POLR3E: variants seen among roughly 807,000 people sequenced by gnomAD.
The protein encoded by POLR3E is RNA polymerase III subunit E, also known as DNA-directed RNA polymerase III subunit RPC5.
POLR3E carries 41 observed loss-of-function variants against 96.6 expected under a neutral mutation model. That is an observed-to-expected ratio of 0.42 (90% CI 0.33 to 0.55). POLR3E has a LOEUF of 0.55. Among genes scored for constraint, POLR3E ranks in the 20% least tolerant of loss-of-function variants. The pLI is 0.06. For missense variants in POLR3E, 849 were observed against 952.1 expected (o/e 0.89, Z 1.43); for synonymous variants, 396 against 383.6 (o/e 1.03, Z -0.38).
chr16:22,303,091 C>G, intron 2 of POLR3E, 87 bp downstream of exon 2: 1 of 1,218,578 alleles, frequency 8.2e-7, no homozygotes, highest in Non-Finnish European at 1.2e-6. Flanking sequence ...AGTCTGGGAC[C>G]TGTTGATGTT....
In POLR3E at chr16:22,326,101, G is replaced by T. The variant is rs761903860; in HGVS notation, c.1689G>T (p.Lys563Asn). The change falls in exon 18 of 21, where the codon AAG becomes AAT. Residue 563 changes from lysine (K) to asparagine (N), a missense_variant. By Grantham distance (94) the Lys-to-Asn change is moderately conservative. Coordinates refer to ENST00000299853, the MANE Select transcript of POLR3E (RefSeq NM_018119.4). ...CASTPVAREL[K>N]AFVEATFQRQ... is the part of the protein sequence containing the mutation. ...GCACCCCTGTGGCTCGGGAACTGAA[G>T]GCCTTCGTGGAGGCCACCTTTCAGA... The T allele has an allele frequency of 2.5e-6, 4 of 1,613,714 alleles. No homozygotes were observed. In the South Asian group the frequency reaches 4.4e-5, roughly 18 times the overall value.
chr16:22,298,623 T>C (rs1435179202), intron 1 of POLR3E, among the ~76,000 whole-genome samples: 1 of 152,134 alleles, frequency 6.6e-6, no homozygotes, highest in Non-Finnish European at 1.5e-5. Flanking sequence ...ATACTGCCGT[T>C]TATCAGAAAA....
At chr16:22,306,090 A>G (rs1194817679) in intron 3 of POLR3E, among the ~76,000 whole-genome samples, 1 of 151,942 alleles carries the variant, frequency 6.6e-6, no homozygotes, top group Non-Finnish European at 1.5e-5. Flanking sequence ...ACCCCAGGCA[A>G]CCATTCCCCT....
Position 22,318,407 on chromosome 16 carries a change from T to C in POLR3E, c.866-419T>C, listed in dbSNP as rs959163744. Among the ~76,000 whole-genome samples, 11 of 152,188 alleles carry C rather than the reference T, an allele frequency of 7.2e-5. No homozygotes were observed. On this transcript the variant is annotated intron_variant, in intron 12 of 20. Coordinates refer to ENST00000299853, the MANE Select transcript of POLR3E (RefSeq NM_018119.4). This position sits in a 1 kb window ranked among gnomAD's most constrained non-coding sequence, Gnocchi z 5.0. ...AAGCGCCCAGCCAAATTTTGGACTTTCCCTGGGCCCTGCCCAGGGCTCACT... is the reference window on the plus strand; with the variant it reads ...AAGCGCCCAGCCAAATTTTGGACTTCCCCTGGGCCCTGCCCAGGGCTCACT...
At chr16:22,298,604 C>T (rs1192455074) in intron 1 of POLR3E, among the ~76,000 whole-genome samples, 2 of 152,172 alleles carry the variant, frequency 1.3e-5, no homozygotes, top group African/African-American at 4.8e-5. Context: ...AGCTCTTACC[C>T]ACTTAACCAT....
intron 6 of POLR3E, among the ~76,000 whole-genome samples, chr16:22,311,268 C>CTTTTT (rs57435708): frequency 0.012 from 1,346 of 109,310 alleles, 47 homozygotes; most frequent in African/African-American, 0.045. Context: ...TGTGCCCAGC[C>CTTTTT]TTTTTTTTTT....
chr16:22,323,355 T>C (rs1328190060), intron 14 of POLR3E, among the ~76,000 whole-genome samples: 1 of 152,082 alleles, frequency 6.6e-6, no homozygotes, highest in Non-Finnish European at 1.5e-5. Flanking sequence ...CCCAGGTGCC[T>C]TTGCCTCCCT....
intron 3 of POLR3E, 123 bp downstream of exon 3, chr16:22,305,329 T>G (rs1252458653): frequency 1.3e-6 from 1 of 786,818 alleles, no homozygotes; most frequent in East Asian, 2.4e-5. Flanking sequence ...GAGAGTGTCA[T>G]GGGGTCTCTT....
rs769537721 is a variant in POLR3E at position 22,325,168 on chromosome 16, C to T, written c.1287-37C>T. ...CTCTTGTGAAGCAGATGGTAGGGGACGTGGTTTAAAGTTAATGGGGTTACT... is the reference window on the plus strand; with the variant it reads ...CTCTTGTGAAGCAGATGGTAGGGGATGTGGTTTAAAGTTAATGGGGTTACT... On this transcript the variant is annotated intron_variant, in intron 16 of 20. Transcript: ENST00000299853. 2.8e-5 allele frequency: 41 copies of T among 1,490,264 alleles called. No individual in the cohort carries two copies. The Admixed American group carries it at 5.9e-4, about 21-fold the overall frequency. 92.3% of individuals were successfully genotyped at this position (1,490,264 alleles called of 1,614,324 possible).
chr16:22,330,988 CTTTTTTTTTT>C (rs56100056), intron 19 of POLR3E, among the ~76,000 whole-genome samples: 19 of 50,762 alleles, frequency 3.7e-4, no homozygotes, highest in South Asian at 2.7e-3. Flanking sequence ...ATGAAGCATC[CTTTTTTTTTT>C]TTTTTTTTTT....
At chr16:22,327,400 C>T (rs1397545328) in intron 18 of POLR3E, 1 of 152,296 alleles carries the variant, frequency 6.6e-6, no homozygotes, top group Non-Finnish European at 1.5e-5. Flanking sequence ...TCTTCATGAG[C>T]TGGGCCAGGA....
In POLR3E at chr16:22,328,367, C is replaced by T. The variant is rs959708434; in HGVS notation, c.1867-143C>T. 60 of 691,024 alleles carry T rather than the reference C, an allele frequency of 8.7e-5. 1 individual carries two copies. Among genetic ancestry groups the T allele is most frequent in the Non-Finnish European group, 3.6e-5 (14 of 385,236 alleles). The allele number at this position is 691,024 out of a possible 1,614,324, so 42.8% of individuals were successfully genotyped here. A position where few individuals can be genotyped will look rare whatever the true frequency, so the allele number is the denominator to read the frequency against. ...GGCACAGGTTTGTGGCTGCCCAAGG[C>T]CCTCAGAGATGGTGAGTAGCAGAAG... is the stretch of plus-strand genomic sequence containing the variant. On this transcript the variant is annotated intron_variant, in intron 18 of 20. Transcript: ENST00000299853.
chr16:22,324,088 C>CTCCTG (rs58207252), intron 14 of POLR3E, among the ~76,000 whole-genome samples: 1 of 117,874 alleles, frequency 8.5e-6, no homozygotes, highest in African/African-American at 5.3e-5. Context: ...GGCAGGGCAT[C>CTCCTG]CCCAGGGAGC....
intron 9 of POLR3E, among the ~76,000 whole-genome samples, chr16:22,316,003 CTG>C (rs1487584248): frequency 6.6e-6 from 1 of 152,138 alleles, no homozygotes; most frequent in African/African-American, 2.4e-5. Context: ...ACCCTTGAAA[CTG>C]TGTACTGAGT....
rs758066403 is a variant in POLR3E at position 22,318,956 on chromosome 16, T to TTTTTTTA, written c.986+23_986+29dup. 1 of 1,562,362 alleles carries TTTTTTTA rather than the reference T, an allele frequency of 6.4e-7. No individual in the cohort carries two copies. Among genetic ancestry groups the TTTTTTTA allele is most frequent in the Non-Finnish European group, 8.7e-7 (1 of 1,154,606 alleles). ...ACTGGGTGGTGAAGAGGTAAGTTGC[T>TTTTTTTA]TTTTTTATTTTTTATTTTTATTTAT... On this transcript the variant is annotated intron_variant, in intron 13 of 20. Transcript: ENST00000299853. This position sits in a 1 kb window ranked among gnomAD's most constrained non-coding sequence, Gnocchi z 5.0.
chr16:22,308,116 A>G (rs2048171919), intron 3 of POLR3E, 32 bp from the exon 4 acceptor site: 3 of 1,557,606 alleles, frequency 1.9e-6, no homozygotes, highest in Non-Finnish European at 2.7e-6. Context: ...GGCTGGGCAG[A>G]GTGGACTTAA....
intron 19 of POLR3E, among the ~76,000 whole-genome samples, chr16:22,331,123 C>A (rs981908871): frequency 6.2e-5 from 9 of 144,836 alleles, no homozygotes; most frequent in African/African-American, 2.0e-4. Context: ...GGATTATAGG[C>A]GTGTGCCACC....
Position 22,334,332 on chromosome 16 carries a change from A to G in POLR3E, c.*632A>G, listed in dbSNP as rs1228422480. ...ATCTCCTTTTAATGTTTGCAGAAAGATGCAAACAAAACCAGGTAAGTATGG... is the reference window on the plus strand; with the variant it reads ...ATCTCCTTTTAATGTTTGCAGAAAGGTGCAAACAAAACCAGGTAAGTATGG... On this transcript the variant is annotated 3_prime_UTR_variant, in exon 21 of 21. Coordinates refer to ENST00000299853, the MANE Select transcript of POLR3E (RefSeq NM_018119.4). 6.6e-6 allele frequency: 1 copy of G among 152,266 alleles called. No individual in the cohort carries two copies. Among genetic ancestry groups the G allele is most frequent in the African/African-American group, 2.4e-5 (1 of 41,470 alleles). The allele number at this position is 152,266 out of a possible 1,614,324, so 9.4% of individuals were successfully genotyped here.
intron 6 of POLR3E, 21 bp downstream of exon 6, chr16:22,309,531 C>A: frequency 6.5e-7 from 1 of 1,538,000 alleles, no homozygotes; most frequent in Non-Finnish European, 9.0e-7. Flanking sequence ...CTGGGTGTCC[C>A]GCGGTGGGGA....
Sources: gnomAD v4.1 joint callset for allele counts (sites outside exome capture counted in the v4.1 genomes callset) on GRCh38, gnomAD v4.1.1 for gene constraint, Gnocchi (gnomAD v3.1) non-coding constraint, MANE v1.5 for transcripts, NCBI Gene and HGNC (gene_info 2026-07-23, HGNC 2026-07-21) for gene names.